LCN12: variants seen among roughly 807,000 people sequenced by gnomAD.
The protein encoded by LCN12 is lipocalin 12.
A neutral mutation model predicts 23.7 loss-of-function variants in LCN12; 15 were observed. The ratio of observed to expected loss-of-function variants is 0.63; its 90% CI spans 0.42 to 0.97. LCN12 has a LOEUF of 0.97. LCN12 is among the 50% of genes least tolerant of loss of function. The pLI, the probability that LCN12 is intolerant of heterozygous loss-of-function variation, is 0.00. For synonymous variants in LCN12, 116 were observed against 111.5 expected (o/e 1.04, Z -0.25); for missense variants, 219 against 249.6 (o/e 0.88, Z 0.83).
chr9:136,950,018 G>A (rs1851110647), upstream of LCN12, among the ~76,000 whole-genome samples: 1 of 151,056 alleles, frequency 6.6e-6, no homozygotes, highest in South Asian at 2.1e-4. Context: ...GCCGAGGTCA[G>A]AGCCAGGACT....
At chr9:136,956,191 C>T (rs573399268), downstream of LCN12, among the ~76,000 whole-genome samples, 241 of 152,270 alleles carry the variant, frequency 1.6e-3, no homozygotes, top group South Asian at 0.013. Flanking sequence ...CACTGTCCTC[C>T]GGGCAGGGAG....
chr9:136,956,422 G>T (rs1034971252), downstream of LCN12, among the ~76,000 whole-genome samples: 3 of 152,200 alleles, frequency 2.0e-5, no homozygotes, highest in African/African-American at 7.2e-5. Context: ...ACTGGAAGAC[G>T]GACAGAGACA....
In LCN12 at chr9:136,954,264, G is replaced by A; in HGVS notation, c.550+9G>A. On this transcript the variant is annotated intron_variant, in intron 5 of 5. Transcript: ENST00000371633. ...CTTCCCAGATGTGACTGGTAACATG[G>A]TTCACCTGCAGGCATGCTGGGCAGT... 1 of 1,560,518 alleles carries A rather than the reference G, an allele frequency of 6.4e-7. No homozygotes were observed. Among genetic ancestry groups the A allele is most frequent in the South Asian group, 1.2e-5 (1 of 84,694 alleles).
chr9:136,954,993 C>A, intron 5 of LCN12: 1 of 1,338,486 alleles, frequency 7.5e-7, no homozygotes, highest in Non-Finnish European at 9.7e-7. Context: ...TACACACACG[C>A]CACTCACACT....
upstream of LCN12, among the ~76,000 whole-genome samples, chr9:136,950,770 A>G (rs1300364106): frequency 2.0e-5 from 3 of 152,102 alleles, no homozygotes; most frequent in Non-Finnish European, 2.9e-5. Context: ...TGTGCTGGTG[A>G]GACAAGGCAC....
chr9:136,953,077 C>T (rs1215135390), intron 2 of LCN12, 49 bp downstream of exon 2: 2 of 1,605,584 alleles, frequency 1.2e-6, no homozygotes, highest in South Asian at 2.2e-5. Flanking sequence ...GATCCCGGGC[C>T]TGGGTCCCAG....
upstream of LCN12, among the ~76,000 whole-genome samples, chr9:136,949,223 C>T (rs899797305): frequency 6.6e-6 from 1 of 152,176 alleles, no homozygotes; most frequent in African/African-American, 2.4e-5. Context: ...ATAGTGAGAC[C>T]TCATCTCTAT....
In LCN12 at chr9:136,955,490, A is replaced by G; in HGVS notation, c.*91A>G. The G allele has an allele frequency of 7.3e-7, 1 of 1,369,300 alleles. No individual in the cohort carries two copies. The allele number at this position is 1,369,300 out of a possible 1,614,324, so 84.8% of individuals were successfully genotyped here. ...CTCTCAAACCTGAATAAATGCACCA[A>G]GCCCAGAGCCCCAGAGTGTGACCAC... On this transcript the variant is annotated 3_prime_UTR_variant, in exon 6 of 6. Coordinates refer to ENST00000371633, the MANE Select transcript of LCN12 (RefSeq NM_178536.4).
downstream of LCN12, among the ~76,000 whole-genome samples, chr9:136,956,494 A>G (rs1378361227): frequency 1.3e-5 from 2 of 152,240 alleles, no homozygotes; most frequent in Non-Finnish European, 2.9e-5. Flanking sequence ...CCCATGATCA[A>G]GTCAAACGAC....
intron 5 of LCN12, chr9:136,955,081 G>GC (rs1299659937): frequency 1.4e-6 from 2 of 1,408,160 alleles, no homozygotes; most frequent in African/African-American, 1.4e-5. Context: ...CACTCGCTAT[G>GC]CCAGGCCTCC....
In LCN12 at chr9:136,953,687, TC is replaced by T; in HGVS notation, c.252-9del. 1 of 1,564,600 alleles carries T rather than the reference TC, an allele frequency of 6.4e-7. No individual in the cohort carries two copies. Among genetic ancestry groups the T allele is most frequent in the Non-Finnish European group, 8.7e-7 (1 of 1,153,452 alleles). On this transcript the variant is annotated splice_polypyrimidine_tract_variant and intron_variant, in intron 2 of 5. Transcript: ENST00000371633. Reference sequence around the variant, plus strand: ...TTCCGGAGCCTTCCGCCTCCACCTGTCCCCTCCTACAGAGGCCAGCACTGTG... The same window carrying T: ...TTCCGGAGCCTTCCGCCTCCACCTGTCCCTCCTACAGAGGCCAGCACTGTG...
intron 4 of LCN12, 49 bp downstream of exon 4, chr9:136,954,013 TCCTTCCAGGCTTTGGGTCAGACCCTG>T: frequency 6.3e-7 from 1 of 1,589,182 alleles, no homozygotes; most frequent in Non-Finnish European, 8.5e-7. Context: ...TGGAGGCACC[TCCTTCCAGGCTTTGGGTCAGACCCTG>T]CCTCCCCACC....
At chr9:136,954,926 T>A in intron 5 of LCN12, 1 of 1,236,120 alleles carries the variant, frequency 8.1e-7, no homozygotes, top group South Asian at 1.5e-5. Context: ...GCACACACAC[T>A]CACGCATGAG....
upstream of LCN12, among the ~76,000 whole-genome samples, chr9:136,950,502 G>C (rs1339023064): frequency 3.9e-5 from 6 of 152,214 alleles, no homozygotes; most frequent in African/African-American, 1.4e-4. Flanking sequence ...GCATGGGCGG[G>C]GTCCGTAGCG....
intron 2 of LCN12, 56 bp downstream of exon 2, chr9:136,953,084 C>G: frequency 6.2e-7 from 1 of 1,602,542 alleles, no homozygotes; most frequent in South Asian, 1.1e-5. Flanking sequence ...GGCCTGGGTC[C>G]CAGCCGCCAG....
intron 1 of LCN12, 43 bp from the exon 2 acceptor site, chr9:136,952,849 C>T (rs1381344641): frequency 6.3e-7 from 1 of 1,591,510 alleles, no homozygotes; most frequent in East Asian, 2.2e-5. Context: ...TGCCCACTGC[C>T]ACCCCTGCCC....
chr9:136,953,166 C>T (rs1221084664), intron 2 of LCN12, 138 bp downstream of exon 2: 5 of 1,206,200 alleles, frequency 4.1e-6, no homozygotes, highest in Non-Finnish European at 5.8e-6. Flanking sequence ...TGACCAAACC[C>T]AGCTGGGGAG....
chr9:136,950,062 C>A, upstream of LCN12, among the ~76,000 whole-genome samples: 1 of 152,212 alleles, frequency 6.6e-6, no homozygotes, highest in Non-Finnish European at 1.5e-5. Flanking sequence ...TCAAGGCCCG[C>A]GTCCTGCACG....
upstream of LCN12, among the ~76,000 whole-genome samples, chr9:136,950,870 GC>G (rs1238269170): frequency 5.3e-5 from 8 of 151,832 alleles, no homozygotes; most frequent in African/African-American, 1.9e-4. Context: ...TCTTCGAGTG[GC>G]CAGGCTGGGG....
Sources: allele counts gnomAD v4.1 joint callset (sites outside exome capture counted in the v4.1 genomes callset), GRCh38; gene constraint gnomAD v4.1.1; transcripts MANE v1.5; gene names NCBI Gene and HGNC (gene_info 2026-07-23, HGNC 2026-07-21).